The following SLC24A3 variants were observed in gnomAD, a reference collection of about 807,000 sequenced individuals.
SLC24A3 encodes the protein solute carrier family 24 member 3, also known as sodium/potassium/calcium exchanger 3.
In SLC24A3, 28 loss-of-function variants were observed where a neutral mutation model predicts 75.8. The observed-to-expected ratio is 0.37, with a 90% CI of 0.27 to 0.51. SLC24A3 has a LOEUF of 0.51. Among genes scored for constraint, SLC24A3 ranks in the 20% least tolerant of loss-of-function variants. The probability of loss-of-function intolerance (pLI) is 0.94; values close to 1 mark genes in which losing one functional copy is unlikely to be tolerated. For missense variants in SLC24A3, 663 were observed against 847.8 expected (o/e 0.78, Z 2.71); for synonymous variants, 372 against 334.1 (o/e 1.11, Z -1.24).
intron 1 of SLC24A3, among the ~76,000 whole-genome samples, chr20:19,232,531 A>T (rs1408431717): frequency 6.6e-6 from 1 of 152,210 alleles, no homozygotes; most frequent in Non-Finnish European, 1.5e-5. Flanking sequence ...TTAAAATATT[A>T]TAGTTTATTT....
intron 1 of SLC24A3, among the ~76,000 whole-genome samples, chr20:19,277,060 C>T (rs1303869560): frequency 1.3e-5 from 2 of 152,208 alleles, no homozygotes; most frequent in African/African-American, 2.4e-5. Context: ...AAGGTGCAGG[C>T]TGCATTATTG....
At chr20:19,543,842 A>G (rs1324709325) in intron 3 of SLC24A3, among the ~76,000 whole-genome samples, 1 of 152,230 alleles carries the variant, frequency 6.6e-6, no homozygotes, top group Non-Finnish European at 1.5e-5. Context: ...CTCGGGTACA[A>G]TTTATGGCTG....
At chr20:19,565,325 C>T (rs748077575) in intron 3 of SLC24A3, among the ~76,000 whole-genome samples, 3 of 151,918 alleles carry the variant, frequency 2.0e-5, no homozygotes, top group Non-Finnish European at 1.5e-5. Context: ...CTACAACCTT[C>T]AATGAACTAC....
At chr20:19,534,613 A>G (rs1013359178) in intron 3 of SLC24A3, among the ~76,000 whole-genome samples, 19 of 152,106 alleles carry the variant, frequency 1.2e-4, no homozygotes, top group Middle Eastern at 3.2e-3. Context: ...AGGTTTCCCC[A>G]TGTTGGTCAG....
chr20:19,681,354 G>A (rs11698205), intron 9 of SLC24A3, among the ~76,000 whole-genome samples: 3,620 of 152,214 alleles, frequency 0.024, 57 homozygotes, highest in South Asian at 0.068. Context: ...AGACCTAGAC[G>A]GCCAACCGGA....
chr20:19,293,952 G>A (rs1221916630), intron 2 of SLC24A3, among the ~76,000 whole-genome samples: 2 of 152,014 alleles, frequency 1.3e-5, no homozygotes, highest in Non-Finnish European at 2.9e-5. Context: ...AGAATGCATG[G>A]GTCCTCAAGT....
chr20:19,285,047 C>T (rs1312520869), intron 2 of SLC24A3, among the ~76,000 whole-genome samples: 4 of 152,186 alleles, frequency 2.6e-5, no homozygotes, highest in African/African-American at 9.7e-5. Flanking sequence ...TTCCCTCTGC[C>T]CTGCCTTCTC....
At chr20:19,692,497 AAAG>A (rs1277976832) in intron 12 of SLC24A3, among the ~76,000 whole-genome samples, 5 of 152,214 alleles carry the variant, frequency 3.3e-5, no homozygotes, top group Non-Finnish European at 7.3e-5. Context: ...ATTATGTTGA[AAAG>A]AAGAAGGAAG....
chr20:19,345,779 A>G (rs980060791), intron 2 of SLC24A3, among the ~76,000 whole-genome samples: 2 of 151,908 alleles, frequency 1.3e-5, no homozygotes, highest in African/African-American at 2.4e-5. Flanking sequence ...ATCAAGAATA[A>G]AAAAAGAGTA....
At chr20:19,352,356 T>C (rs1985589085) in intron 2 of SLC24A3, among the ~76,000 whole-genome samples, 1 of 152,076 alleles carries the variant, frequency 6.6e-6, no homozygotes, top group Non-Finnish European at 1.5e-5. Context: ...GGCACTGCGG[T>C]ACCAACCACT....
At position 19,585,077 on chromosome 20, in the gene SLC24A3, A is replaced by C. The variant is rs976553785; in HGVS notation, c.508+22A>C. Reference sequence around the variant, plus strand: ...ATAGGTAGGTGACAGACTGAGGGACATCTCAGACCTTCACTGTCTGAAGGA... The same window carrying C: ...ATAGGTAGGTGACAGACTGAGGGACCTCTCAGACCTTCACTGTCTGAAGGA... On this transcript the variant is annotated intron_variant, in intron 5 of 16. Transcript: ENST00000328041. 3 of 1,593,006 alleles carry C rather than the reference A, an allele frequency of 1.9e-6. No homozygotes were observed. In the East Asian group the frequency reaches 6.8e-5, roughly 36 times the overall value.
chr20:19,638,773 CA>C (rs1203083553), intron 6 of SLC24A3, among the ~76,000 whole-genome samples: 1 of 152,136 alleles, frequency 6.6e-6, no homozygotes, highest in Non-Finnish European at 1.5e-5. Context: ...TCAATGACTT[CA>C]AGAATGAAGC....
At chr20:19,612,527 A>G (rs1351722893) in intron 6 of SLC24A3, among the ~76,000 whole-genome samples, 1 of 152,208 alleles carries the variant, frequency 6.6e-6, no homozygotes, top group Non-Finnish European at 1.5e-5. Flanking sequence ...TCTGTATCCT[A>G]CAAATATGCA....
At chr20:19,300,721 T>C (rs1984174667) in intron 2 of SLC24A3, among the ~76,000 whole-genome samples, 1 of 152,118 alleles carries the variant, frequency 6.6e-6, no homozygotes. Context: ...AATCAGTGTC[T>C]GGGGAGAAGA....
intron 15 of SLC24A3, among the ~76,000 whole-genome samples, chr20:19,700,061 C>T (rs1213235048): frequency 6.6e-6 from 1 of 152,186 alleles, no homozygotes; most frequent in African/African-American, 2.4e-5. Flanking sequence ...TGGTTCAGGA[C>T]TCTCCTGGAG....
chr20:19,289,623 G>A (rs547811467), intron 2 of SLC24A3, among the ~76,000 whole-genome samples: 2 of 152,268 alleles, frequency 1.3e-5, no homozygotes, highest in African/African-American at 2.4e-5. Flanking sequence ...CACACCTCTC[G>A]GCTGCACTGT....
At chr20:19,442,024 A>T (rs936954129) in intron 2 of SLC24A3, among the ~76,000 whole-genome samples, 7 of 152,134 alleles carry the variant, frequency 4.6e-5, no homozygotes, top group Non-Finnish European at 8.8e-5. Flanking sequence ...TATCATTTTG[A>T]GGCTTGATAG....
rs149278330 is a variant in SLC24A3 at position 19,251,399 on chromosome 20, T to A, written c.143-29560T>A. 2.8e-3 allele frequency among the ~76,000 whole-genome samples: 425 copies of A among 152,354 alleles called. 4 individuals are homozygous for A. Among genetic ancestry groups the A allele is most frequent in the African/African-American group, 9.6e-3 (399 of 41,570 alleles). ...CTTATTAATTTAAATTCTGTCTGTT[T>A]CGCCAGTGTCTTGGTTTGGGTTCCT... is the stretch of plus-strand genomic sequence containing the variant. On this transcript the variant is annotated intron_variant, in intron 1 of 16. Transcript: ENST00000328041.
chr20:19,548,956 G>A (rs1047481137), intron 3 of SLC24A3, among the ~76,000 whole-genome samples: 1 of 152,204 alleles, frequency 6.6e-6, no homozygotes, highest in Non-Finnish European at 1.5e-5. Context: ...GGGCAGTAGG[G>A]TTAGCTCTTT....
Sources: allele counts gnomAD v4.1 joint callset (sites outside exome capture counted in the v4.1 genomes callset), GRCh38; gene constraint gnomAD v4.1.1; transcripts MANE v1.5; gene names NCBI Gene and HGNC (gene_info 2026-07-23, HGNC 2026-07-21).